The following DISP2 variants were observed in gnomAD, a reference collection of about 807,000 sequenced individuals.
DISP2 encodes the protein protein dispatched homolog 2.
DISP2 carries 59 observed loss-of-function variants against 95.5 expected under a neutral mutation model. The observed-to-expected ratio is 0.62, with a 90% CI of 0.50 to 0.77. The LOEUF is 0.77. DISP2 is among the 30% of genes least tolerant of loss of function. The pLI is 0.00. For synonymous variants in DISP2, 827 were observed against 815.0 expected (o/e 1.01, Z -0.25); for missense variants, 1,752 against 1,854.6 (o/e 0.94, Z 1.02).
Position 40,367,334 on chromosome 15 carries a change from A to G in DISP2, c.1222A>G (p.Ile408Val), listed in dbSNP as rs763566058. ...VPTKCSQSSA[I>V]YQLLHFLLDR... is the part of the protein sequence containing the mutation. ...CACCAAGTGCTCCCAGAGTAGTGCC[A>G]TCTACCAACTCCTGCACTTTCTGCT... Residue 408 changes from isoleucine to valine, a missense_variant, in exon 8 of 8, where the codon ATC (isoleucine) becomes GTC (valine). By Grantham distance (29) the Ile-to-Val change is conservative. Around this residue, in one of 5 missense-constraint regions of DISP2, gnomAD observed 732 missense variants for 714.6 expected, o/e 1.02. Transcript: ENST00000267889. 1 of 1,613,492 alleles carries G rather than the reference A, an allele frequency of 6.2e-7. No homozygotes were observed. The highest frequency in any genetic ancestry group is 8.5e-7 in the Non-Finnish European group (1 of 1,179,920).
chr15:40,365,757 G>A (rs201936471), intron 7 of DISP2, 32 bp downstream of exon 7: 2 of 1,608,546 alleles, frequency 1.2e-6, no homozygotes, highest in Non-Finnish European at 8.5e-7. Context: ...CAGGGGTTTG[G>A]GGGGAACTAA....
At chr15:40,359,411 C>T (rs1889373028) in intron 1 of DISP2, among the ~76,000 whole-genome samples, 1 of 152,238 alleles carries the variant, frequency 6.6e-6, no homozygotes, top group African/African-American at 2.4e-5. Flanking sequence ...ATTGTTAACA[C>T]ATTAGCCTGG....
rs956212345 is a variant in DISP2 at position 40,358,449 on chromosome 15, G to C, written c.119+9G>C. On this transcript the variant is annotated intron_variant, in intron 1 of 7. Coordinates refer to ENST00000267889, the MANE Select transcript of DISP2 (RefSeq NM_033510.3). The stretch of plus-strand genomic sequence containing the variant: ...GGCGGCTCCCCGGACAGGTAGGGCG[G>C]ACAGCTCCGCAGATCCGTATCACAG... The C allele has an allele frequency of 4.6e-6, 6 of 1,305,222 alleles. No homozygotes were observed. The highest frequency in any genetic ancestry group is 5.8e-6 in the Non-Finnish European group (6 of 1,025,964). The allele number at this position is 1,305,222 out of a possible 1,614,324, so 80.9% of individuals were successfully genotyped here.
Position 40,370,624 on chromosome 15 carries a change from G to A in DISP2, c.*306G>A, listed in dbSNP as rs1889627868. On this transcript the variant is annotated 3_prime_UTR_variant, in exon 8 of 8. Transcript: ENST00000267889. ...AGAAGTGGGGAAGGCCAGATGTGTA[G>A]CTTCGGGTATCAGAGGAGGCTGACC... 1.7e-6 allele frequency: 1 copy of A among 588,374 alleles called. No individual in the cohort carries two copies. Among genetic ancestry groups the A allele is most frequent in the African/African-American group, 1.8e-5 (1 of 54,716 alleles). The allele number at this position is 588,374 out of a possible 1,614,324, so 36.4% of individuals were successfully genotyped here. A position where few individuals can be genotyped will look rare whatever the true frequency, so the allele number is the denominator to read the frequency against.
rs200405933 is a variant in DISP2, at chr15:40,358,461, G to A, written c.119+21G>A. On this transcript the variant is annotated intron_variant, in intron 1 of 7. Transcript: ENST00000267889. ...GACAGGTAGGGCGGACAGCTCCGCA[G>A]ATCCGTATCACAGACCCTCCCAGAC... 402 of 1,266,790 alleles carry A rather than the reference G, an allele frequency of 3.2e-4. 1 individual carries two copies. In the African/African-American group the frequency reaches 5.5e-3, roughly 17 times the overall value. The allele number at this position is 1,266,790 out of a possible 1,614,324, so 78.5% of individuals were successfully genotyped here. A position where few individuals can be genotyped will look rare whatever the true frequency, so the allele number is the denominator to read the frequency against.
intron 1 of DISP2, among the ~76,000 whole-genome samples, chr15:40,360,545 G>C (rs569935456): frequency 1.3e-5 from 2 of 152,264 alleles, no homozygotes; most frequent in African/African-American, 4.8e-5. Context: ...TAAAGGGAAG[G>C]AGCTGGGGCC....
chr15:40,368,790 G>A lies in DISP2; in HGVS notation c.2678G>A (p.Arg893His). ...GPDGTQDLGL[R>H]FDAHGSLAAL... Reference sequence around the variant, plus strand: ...GATGGCACCCAGGACCTGGGACTCCGCTTTGATGCCCATGGCAGCCTGGCC... The same window carrying A: ...GATGGCACCCAGGACCTGGGACTCCACTTTGATGCCCATGGCAGCCTGGCC... Residue 893 changes from arginine (R) to histidine (H), a missense_variant, in exon 8 of 8, where the codon CGC becomes CAC. This residue lies in a region of DISP2 where 317 missense variants were observed against 394.9 expected (regional missense o/e 0.80). Transcript: ENST00000267889. 4.3e-6 allele frequency: 7 copies of A among 1,613,900 alleles called. No individual in the cohort carries two copies. Among genetic ancestry groups the A allele is most frequent in the East Asian group, 2.2e-5 (1 of 44,886 alleles).
chr15:40,369,055 G>A lies in DISP2; in HGVS notation c.2943G>A (p.Leu981=). 1 of 1,614,004 alleles carries A rather than the reference G, an allele frequency of 6.2e-7. No homozygotes were observed. The highest frequency in any genetic ancestry group is 1.1e-5 in the South Asian group (1 of 91,090). ...ALALAFATLL[L]GTWNVPLSLF... ...CGCTGGCCTTTGCCACACTGCTCCT[G>A]GGCACCTGGAATGTTCCCCTCAGCC... The change falls in exon 8 of 8, where the codon CTG becomes CTA. Residue 981 remains leucine (L), a synonymous_variant. Coordinates refer to ENST00000267889, the MANE Select transcript of DISP2 (RefSeq NM_033510.3).
rs1330285518 is a variant in DISP2, at chr15:40,376,692, C to A, written c.*6374C>A. ...TGGTGATATGCGCCTGTAGACCCAGCTACTCCAGAGGCTGAAGCAAGAGGA... is the reference window on the plus strand; with the variant it reads ...TGGTGATATGCGCCTGTAGACCCAGATACTCCAGAGGCTGAAGCAAGAGGA... On this transcript the variant is annotated 3_prime_UTR_variant, in exon 8 of 8. Coordinates refer to ENST00000267889, the MANE Select transcript of DISP2 (RefSeq NM_033510.3). 2.0e-5 allele frequency: 3 copies of A among 152,126 alleles called. No homozygotes were observed. The highest frequency in any genetic ancestry group is 1.9e-4 in the East Asian group (1 of 5,202). 9.4% of individuals were successfully genotyped at this position (152,126 alleles called of 1,614,324 possible). A position where few individuals can be genotyped will look rare whatever the true frequency, so the allele number is the denominator to read the frequency against.
Position 40,358,342 on chromosome 15 carries a change from CA to C in DISP2, c.22del (p.Ser8AlafsTer157). MDGDSSS[S>X]SGGSGPAPGP... ...CGGGCATGGACGGTGACAGCAGCAGCAGCAGCGGCGGCAGCGGTCCGGCTCC... is the reference window on the plus strand; with the variant it reads ...CGGGCATGGACGGTGACAGCAGCAGCGCAGCGGCGGCAGCGGTCCGGCTCC... On this transcript the variant is annotated frameshift_variant, in exon 1 of 8. Coordinates refer to ENST00000267889, the MANE Select transcript of DISP2 (RefSeq NM_033510.3). LOFTEE classifies it high-confidence loss of function. 1 of 1,394,832 alleles carries C rather than the reference CA, an allele frequency of 7.2e-7. No homozygotes were observed. Among genetic ancestry groups the C allele is most frequent in the Non-Finnish European group, 9.3e-7 (1 of 1,072,540 alleles). The allele number at this position is 1,394,832 out of a possible 1,614,324, so 86.4% of individuals were successfully genotyped here.
chr15:40,358,311 C>T lies in DISP2; in HGVS notation c.-11C>T. 1 of 1,306,722 alleles carries T rather than the reference C, an allele frequency of 7.7e-7. No homozygotes were observed. Among genetic ancestry groups the T allele is most frequent in the Non-Finnish European group, 9.7e-7 (1 of 1,031,194 alleles). 80.9% of individuals were successfully genotyped at this position (1,306,722 alleles called of 1,614,324 possible). A position where few individuals can be genotyped will look rare whatever the true frequency, so the allele number is the denominator to read the frequency against. On this transcript the variant is annotated 5_prime_UTR_variant, in exon 1 of 8. Transcript: ENST00000267889. ...AGCACCAGCGCCCGGACAGCGGTGC[C>T]GCCCACGGGCATGGACGGTGACAGC...
rs1555400587 is a variant in DISP2 at position 40,374,003 on chromosome 15, T to TAAAAAAAAAAAAAAAA, written c.*3697_*3698insAAAAAAAAAAAAAAAA. ...TGGGCAACAGAGCGAGACTCCATCT[T>TAAAAAAAAAAAAAAAA]AAAAAAAAAAAATATATATATATAT... On this transcript the variant is annotated 3_prime_UTR_variant, in exon 8 of 8. Transcript: ENST00000267889. 10 of 114,132 alleles carry TAAAAAAAAAAAAAAAA rather than the reference T, an allele frequency of 8.8e-5. No individual in the cohort carries two copies. The highest frequency in any genetic ancestry group is 2.2e-4 in the African/African-American group (6 of 26,918). 7.1% of individuals were successfully genotyped at this position (114,132 alleles called of 1,614,324 possible). A position where few individuals can be genotyped will look rare whatever the true frequency, so the allele number is the denominator to read the frequency against.
In DISP2 at chr15:40,370,040, C is replaced by T. The variant is rs772099509; in HGVS notation, c.3928C>T (p.Pro1310Ser). 2.5e-6 allele frequency: 4 copies of T among 1,614,114 alleles called. No homozygotes were observed. The highest frequency in any genetic ancestry group is 3.4e-6 in the Non-Finnish European group (4 of 1,180,012). ...LSTSEPSARV[P>S]DSVGVSPDDL... Reference sequence around the variant, plus strand: ...CACCTCTGAGCCCAGTGCCCGTGTACCAGATTCCGTGGGTGTGTCCCCAGA... The same window carrying T: ...CACCTCTGAGCCCAGTGCCCGTGTATCAGATTCCGTGGGTGTGTCCCCAGA... Residue 1310 changes from proline to serine, a missense_variant, in exon 8 of 8, where the codon CCA (proline) becomes TCA (serine). Physicochemically the swap from Pro to Ser is moderately conservative, Grantham distance 74. Around this residue, in one of 5 missense-constraint regions of DISP2, gnomAD observed 347 missense variants for 344.2 expected, o/e 1.01. Transcript: ENST00000267889.
chr15:40,365,777 G>A (rs1889489437), intron 7 of DISP2, 52 bp downstream of exon 7: 2 of 1,564,616 alleles, frequency 1.3e-6, no homozygotes, highest in Non-Finnish European at 1.8e-6. Context: ...AGGACATGAG[G>A]GAACTGATCC....
Position 40,368,766 on chromosome 15 carries a change from A to G in DISP2, c.2654A>G (p.Asp885Gly), listed in dbSNP as rs766532966. ...ATGATGGCTCTGGAGCAAGGCCCCG[A>G]TGGCACCCAGGACCTGGGACTCCGC... ...LKMMALEQGP[D>G]GTQDLGLRFD... The change falls in exon 8 of 8, where the codon GAT becomes GGT. Residue 885 changes from aspartate to glycine, a missense_variant. Around this residue, in one of 5 missense-constraint regions of DISP2, gnomAD observed 317 missense variants for 394.9 expected, o/e 0.80. Transcript: ENST00000267889. The G allele has an allele frequency of 1.0e-4, 165 of 1,613,638 alleles. No homozygotes were observed. Among genetic ancestry groups the G allele is most frequent in the Non-Finnish European group, 1.4e-4 (160 of 1,180,026 alleles).
chr15:40,358,927 G>A (rs1028714151), intron 1 of DISP2, among the ~76,000 whole-genome samples: 7 of 152,262 alleles, frequency 4.6e-5, no homozygotes, highest in African/African-American at 1.7e-4. Flanking sequence ...GTCACCATCA[G>A]TCGCTTGCCT....
At position 40,369,808 on chromosome 15, in the gene DISP2, G is replaced by C. The variant is rs1373124325; in HGVS notation, c.3696G>C (p.Gln1232His). The C allele has an allele frequency of 1.3e-6, 2 of 1,595,712 alleles. No individual in the cohort carries two copies. The highest frequency in any genetic ancestry group is 8.6e-7 in the Non-Finnish European group (1 of 1,168,928). ...TCTTCAGCCAGTGCCCTGCCCTGCA[G>C]ACCTCCTCCCCCTATAAGCAGGCTG... ...QAVFSQCPAL[Q>H]TSSPYKQAGP... The change falls in exon 8 of 8, where the codon CAG (glutamine) becomes CAC (histidine). Residue 1232 changes from glutamine to histidine, a missense_variant. Gln to His is a conservative substitution (Grantham distance 24). Transcript: ENST00000267889.
rs754478253 is a variant in DISP2 at position 40,365,149 on chromosome 15, C to T, written c.722C>T (p.Ser241Leu). The T allele has an allele frequency of 1.5e-5, 25 of 1,613,218 alleles. No individual in the cohort carries two copies. The highest frequency in any genetic ancestry group is 1.9e-5 in the Non-Finnish European group (23 of 1,179,602). Residue 241 changes from serine (S) to leucine (L), a missense_variant and splice_region_variant, in exon 6 of 8, where the codon TCG becomes TTG. Coordinates refer to ENST00000267889, the MANE Select transcript of DISP2 (RefSeq NM_033510.3). ...CATAGATATTCTCTCCACTTCAGCT[C>T]GAGCTCCCACAACACTCTGAGGCCT... is the stretch of plus-strand genomic sequence containing the variant. The part of the protein sequence containing the change: ...FLSPDLELNS[S>L]SSHNTLRPAP...
intron 1 of DISP2, among the ~76,000 whole-genome samples, chr15:40,362,965 T>C (rs1889428118): frequency 6.6e-6 from 1 of 152,130 alleles, no homozygotes; most frequent in Non-Finnish European, 1.5e-5. Context: ...TGTTTTCAAA[T>C]CTATCAGTTG....
Sources: allele counts gnomAD v4.1 joint callset (sites outside exome capture counted in the v4.1 genomes callset), GRCh38; gene constraint gnomAD v4.1.1; regional missense constraint gnomAD v4.1.1; transcripts MANE v1.5; gene names NCBI Gene and HGNC (gene_info 2026-07-23, HGNC 2026-07-21).